Variants in LYRM4 observed in about 807,000 individuals in gnomAD.
LYRM4 encodes the protein LYR motif containing 4.
LYRM4 carries 9 observed loss-of-function variants against 11.7 expected under a neutral mutation model. The ratio of observed to expected loss-of-function variants is 0.77; its 90% CI spans 0.46 to 1.34. LYRM4 has a LOEUF of 1.34. Among genes scored for constraint, LYRM4 ranks in the 40% most tolerant of loss-of-function variants. LYRM4 has a pLI of 0.00. For synonymous variants in LYRM4, 42 were observed against 40.4 expected (o/e 1.04, Z -0.15); for missense variants, 133 against 112.5 (o/e 1.18, Z -0.82).
At chr6:5,134,059 T>C (rs1429353610) in intron 2 of LYRM4, among the ~76,000 whole-genome samples, 4 of 152,256 alleles carry the variant, frequency 2.6e-5, no homozygotes, top group Non-Finnish European at 5.9e-5. Flanking sequence ...ATAGTGCTGC[T>C]GTGAACATAC....
At chr6:5,233,417 G>A (rs1763357868) in intron 1 of LYRM4, among the ~76,000 whole-genome samples, 1 of 152,150 alleles carries the variant, frequency 6.6e-6, no homozygotes. Flanking sequence ...TTAAAGCAGT[G>A]GAGAAGCCCT....
downstream of LYRM4, among the ~76,000 whole-genome samples, chr6:5,101,968 C>CTTTTTTTTTTTTTTTTTTTT (rs397826404): frequency 0.022 from 1,524 of 67,772 alleles, 316 homozygotes; most frequent in East Asian, 0.11. Context: ...CTAATGCTTT[C>CTTTTTTTTTTTTTTTTTTTT]TTTTTTTTTT....
intron 2 of LYRM4, among the ~76,000 whole-genome samples, chr6:5,169,365 C>T (rs928560772): frequency 7.9e-5 from 12 of 152,130 alleles, no homozygotes; most frequent in African/African-American, 2.4e-4. Flanking sequence ...AAACAAAATG[C>T]GTGGACAAAA....
At chr6:5,214,032 G>A (rs1451177140) in intron 2 of LYRM4, among the ~76,000 whole-genome samples, 1 of 152,234 alleles carries the variant, frequency 6.6e-6, no homozygotes, top group Non-Finnish European at 1.5e-5. Flanking sequence ...GTGAACACAG[G>A]CCGGCTGGCC....
At chr6:5,249,225 C>T (rs542241514) in intron 1 of LYRM4, among the ~76,000 whole-genome samples, 8 of 152,226 alleles carry the variant, frequency 5.3e-5, no homozygotes, top group East Asian at 1.9e-4. Context: ...TGACACACAG[C>T]GAGTAAATGA....
intron 2 of LYRM4, among the ~76,000 whole-genome samples, chr6:5,200,548 AT>A: frequency 6.6e-6 from 1 of 152,242 alleles, no homozygotes; most frequent in East Asian, 1.9e-4. Context: ...CAGAATAAAA[AT>A]AATCACGAGA....
chr6:5,153,822 G>A (rs1333093050), intron 2 of LYRM4, among the ~76,000 whole-genome samples: 1 of 152,186 alleles, frequency 6.6e-6, no homozygotes, highest in Non-Finnish European at 1.5e-5. Flanking sequence ...TGTGAATACA[G>A]ACAGATACAA....
the LYRM4 span, among the ~76,000 whole-genome samples, chr6:5,036,504 T>C: frequency 6.6e-6 from 1 of 152,208 alleles, no homozygotes; most frequent in South Asian, 2.1e-4. Context: ...GCTGCTGTCA[T>C]AGAGCCCTGG....
At chr6:5,221,452 TGG>T (rs1290680258) in intron 1 of LYRM4, among the ~76,000 whole-genome samples, 1 of 152,162 alleles carries the variant, frequency 6.6e-6, no homozygotes, top group Non-Finnish European at 1.5e-5. Flanking sequence ...CTCAGCACTC[TGG>T]GAGGCCAAGG....
At chr6:5,157,382 C>T (rs543283620) in intron 2 of LYRM4, among the ~76,000 whole-genome samples, 16 of 152,110 alleles carry the variant, frequency 1.1e-4, no homozygotes, top group South Asian at 4.2e-4. Flanking sequence ...TTCGGATTGT[C>T]GTTTATTTGT....
At chr6:5,074,305 C>T in the LYRM4 span, among the ~76,000 whole-genome samples, 2 of 151,306 alleles carry the variant, frequency 1.3e-5, no homozygotes, top group Non-Finnish European at 2.9e-5. Flanking sequence ...CTGACTAGGT[C>T]AGTCTAGAAA....
chr6:5,105,101 G>A (rs1308484272), downstream of LYRM4: 1 of 152,170 alleles, frequency 6.6e-6, no homozygotes, highest in Admixed American at 6.5e-5. Context: ...ATACAGAGAT[G>A]CTCTCTGTAT....
At chr6:5,060,086 T>C in the LYRM4 span, among the ~76,000 whole-genome samples, 2 of 152,256 alleles carry the variant, frequency 1.3e-5, no homozygotes, top group African/African-American at 4.8e-5. Context: ...TGTCCCCTCT[T>C]TAATGAGCAT....
the LYRM4 span, among the ~76,000 whole-genome samples, chr6:5,069,054 T>C: frequency 1.0e-3 from 146 of 141,742 alleles, no homozygotes; most frequent in African/African-American, 3.6e-3. Flanking sequence ...CAAGTTTATT[T>C]GGTGCAAAAA....
chr6:5,165,604 G>A lies in LYRM4; in HGVS notation c.207+51014C>T, dbSNP rs532485150. 1.1e-4 allele frequency among the ~76,000 whole-genome samples: 17 copies of A among 151,164 alleles called. No individual in the cohort carries two copies. In the South Asian group the frequency reaches 2.1e-3, roughly 19 times the overall value. On this transcript the variant is annotated intron_variant, in intron 2 of 2. Transcript: ENST00000330636. Reference sequence around the variant, plus strand: ...GTTGCCCAGGCTGGAGTGCAGTGGCGCGATCTCGGCTCACTGCAGCCTCCA... The same window carrying A: ...GTTGCCCAGGCTGGAGTGCAGTGGCACGATCTCGGCTCACTGCAGCCTCCA...
chr6:5,109,369 G>C lies in LYRM4; in HGVS notation c.*54C>G. 6.2e-7 allele frequency: 1 copy of C among 1,611,278 alleles called. No individual in the cohort carries two copies. The highest frequency in any genetic ancestry group is 8.5e-7 in the Non-Finnish European group (1 of 1,177,940). On this transcript the variant is annotated 3_prime_UTR_variant, in exon 3 of 3. Coordinates refer to ENST00000330636, the MANE Select transcript of LYRM4 (RefSeq NM_020408.6). Reference sequence around the variant, plus strand: ...TTTGGGAGCCCCCATCTCAAACAGAGAGTGGATGCTGAAGGTGGTCCCTGG... The same window carrying C: ...TTTGGGAGCCCCCATCTCAAACAGACAGTGGATGCTGAAGGTGGTCCCTGG...
intron 1 of LYRM4, among the ~76,000 whole-genome samples, chr6:5,257,681 G>A (rs1325268732): frequency 6.6e-6 from 1 of 152,184 alleles, no homozygotes; most frequent in Non-Finnish European, 1.5e-5. Context: ...TGTGAACTGT[G>A]CATGTGAGTG....
chr6:5,260,586 C>G, intron 1 of LYRM4, 62 bp downstream of exon 1: 3 of 1,303,068 alleles, frequency 2.3e-6, no homozygotes, highest in Non-Finnish European at 3.2e-6. Context: ...CCGCGTCAGC[C>G]CGCACCCCCG....
chr6:5,219,458 C>T (rs1762458185), intron 1 of LYRM4, among the ~76,000 whole-genome samples: 1 of 152,222 alleles, frequency 6.6e-6, no homozygotes, highest in Non-Finnish European at 1.5e-5. Context: ...CCTCTCTTTC[C>T]TGCTCTTTCT....
Sources: gnomAD v4.1 joint callset for allele counts (sites outside exome capture counted in the v4.1 genomes callset) on GRCh38, gnomAD v4.1.1 for gene constraint, MANE v1.5 for transcripts, NCBI Gene and HGNC (gene_info 2026-07-23, HGNC 2026-07-21) for gene names.